The following ST7L variants were observed in gnomAD, a reference collection of about 807,000 sequenced individuals.
ST7L encodes suppressor of tumorigenicity 7 protein-like.
A neutral mutation model predicts 72.5 loss-of-function variants in ST7L; 57 were observed. The observed-to-expected ratio is 0.79, with a 90% CI of 0.64 to 0.98. ST7L has a LOEUF of 0.98. Ranked by LOEUF, ST7L falls within the 50% of genes least tolerant of loss-of-function variation. The pLI is 0.00. For synonymous variants in ST7L, 221 were observed against 240.9 expected, an observed-to-expected ratio of 0.92 and a Z score of 0.77; for missense variants, 576 against 672.2, an observed-to-expected ratio of 0.86 and a Z score of 1.58.
At chr1:112,568,132 G>A (rs1379714514) in intron 11 of ST7L, among the ~76,000 whole-genome samples, 2 of 152,042 alleles carry the variant, frequency 1.3e-5, no homozygotes, top group Non-Finnish European at 2.9e-5. Flanking sequence ...TGAGGCTTGT[G>A]CACGCATGTG....
rs116069794 is a variant in ST7L, at chr1:112,599,981, T to C, written c.506+813A>G. On this transcript the variant is annotated intron_variant, in intron 4 of 14. Coordinates refer to ENST00000358039, the MANE Select transcript of ST7L (RefSeq NM_017744.5). The stretch of plus-strand genomic sequence containing the variant: ...GTGATTTGGAAGGCCAAGGCAGGAG[T>C]ATTACTTGGGCCCAGAAGTTTGGGA... Among the ~76,000 whole-genome samples the C allele has an allele frequency of 2.7e-3, 413 of 152,112 alleles. 1 individual carries two copies. Among genetic ancestry groups the C allele is most frequent in the African/African-American group, 9.4e-3 (391 of 41,490 alleles).
At chr1:112,571,673 G>A (rs965882195) in intron 11 of ST7L, among the ~76,000 whole-genome samples, 8 of 152,126 alleles carry the variant, frequency 5.3e-5, no homozygotes, top group African/African-American at 1.7e-4. Flanking sequence ...TGATCCACCC[G>A]CTTCGGCCTC....
chr1:112,599,110 A>ATATATATG (rs1666993855), intron 4 of ST7L, among the ~76,000 whole-genome samples: 1 of 75,144 alleles, frequency 1.3e-5, no homozygotes, highest in Non-Finnish European at 2.5e-5. Context: ...ATATATATAT[A>ATATATATG]TGTGGATGTG....
chr1:112,574,658 C>CAA (rs202121446), intron 11 of ST7L, among the ~76,000 whole-genome samples: 68 of 122,742 alleles, frequency 5.5e-4, no homozygotes, highest in African/African-American at 1.9e-3. Flanking sequence ...GACTCCGTCT[C>CAA]AAAAAAAAAA....
Position 112,609,297 on chromosome 1 carries a change from C to T in ST7L, c.451+1544G>A, listed in dbSNP as rs554005011. On this transcript the variant is annotated intron_variant, in intron 3 of 14. Transcript: ENST00000358039. Reference sequence around the variant, plus strand: ...CTGTAATCCTAGCACTTTGGGAAGCCGAGGCAGACAGATCACCTGAGGTCG... The same window carrying T: ...CTGTAATCCTAGCACTTTGGGAAGCTGAGGCAGACAGATCACCTGAGGTCG... Among the ~76,000 whole-genome samples, 10 of 152,076 alleles carry T rather than the reference C, an allele frequency of 6.6e-5. 1 individual carries two copies. In the South Asian group the frequency reaches 1.7e-3, roughly 25 times the overall value.
At chr1:112,602,907 A>ACG (rs1202152152) in intron 3 of ST7L, among the ~76,000 whole-genome samples, 4 of 151,506 alleles carry the variant, frequency 2.6e-5, no homozygotes, top group Non-Finnish European at 4.4e-5. Flanking sequence ...TTTAGTAGAG[A>ACG]CGGGGTTTCG....
chr1:112,578,420 G>T lies in ST7L; in HGVS notation c.1070-3C>A. ...TGCTGACTTTGGAAGGCTTATATCT[G>T]TAACGATAATTTTCAATTTAGGTAG... On this transcript the variant is annotated splice_region_variant and splice_polypyrimidine_tract_variant and intron_variant, in intron 9 of 14. Transcript: ENST00000358039. 6.2e-7 allele frequency: 1 copy of T among 1,613,614 alleles called. No individual in the cohort carries two copies. Among genetic ancestry groups the T allele is most frequent in the South Asian group, 1.1e-5 (1 of 91,064 alleles).
In ST7L at chr1:112,582,377, C is replaced by T; in HGVS notation, c.952G>A (p.Asp318Asn). Reference protein sequence around the residue: ...RIREAVKIMRDLMKEFPPLTM... With the variant: ...RIREAVKIMRNLMKEFPPLTM... The stretch of plus-strand genomic sequence containing the variant: ...AGTCCCATCATCAATTTACTTACAT[C>T]TCTCATTATTTTTACTGCTTCTCTT... Residue 318 changes from aspartate to asparagine, a missense_variant and splice_region_variant, in exon 8 of 15, where the codon GAT (aspartate) becomes AAT (asparagine). By Grantham distance (23) the Asp-to-Asn change is conservative (BLOSUM62 1). Around this residue, in one of 3 missense-constraint regions of ST7L, gnomAD observed 511 missense variants for 600.7 expected, o/e 0.85. Coordinates refer to ENST00000358039, the MANE Select transcript of ST7L (RefSeq NM_017744.5). 1 of 1,597,550 alleles carries T rather than the reference C, an allele frequency of 6.3e-7. No individual in the cohort carries two copies. Among genetic ancestry groups the T allele is most frequent in the Non-Finnish European group, 8.6e-7 (1 of 1,167,760 alleles).
rs867052992 is a variant in ST7L, at chr1:112,568,281, T to G, written c.1245+8705A>C. Among the ~76,000 whole-genome samples the G allele has an allele frequency of 2.0e-5, 3 of 151,994 alleles. No homozygotes were observed. In the South Asian group the frequency reaches 6.2e-4, roughly 32 times the overall value. On this transcript the variant is annotated intron_variant, in intron 11 of 14. Coordinates refer to ENST00000358039, the MANE Select transcript of ST7L (RefSeq NM_017744.5). ...CATTTTCAAATGTGGATATTCACAA[T>G]GGTTCTGGATCACATTAATCAAGAG...
At chr1:112,549,640 A>G (rs927184475) in intron 13 of ST7L, among the ~76,000 whole-genome samples, 1 of 152,158 alleles carries the variant, frequency 6.6e-6, no homozygotes, top group African/African-American at 2.4e-5. Flanking sequence ...TTGATCTTAT[A>G]TTCTACAACC....
At chr1:112,554,677 TTTGTAGCAGC>T (rs1383798832) in intron 12 of ST7L, among the ~76,000 whole-genome samples, 1 of 152,164 alleles carries the variant, frequency 6.6e-6, no homozygotes, top group Non-Finnish European at 1.5e-5. Flanking sequence ...TACACCAATA[TTTGTAGCAGC>T]ATTATTCACA....
At chr1:112,537,817 A>G (rs1655462532) in intron 14 of ST7L, among the ~76,000 whole-genome samples, 1 of 152,226 alleles carries the variant, frequency 6.6e-6, no homozygotes, top group African/African-American at 2.4e-5. Context: ...GAGAAAAATC[A>G]GGGGAAAAAA....
chr1:112,574,172 C>A (rs1241595697), intron 11 of ST7L, among the ~76,000 whole-genome samples: 1 of 148,996 alleles, frequency 6.7e-6, no homozygotes, highest in Non-Finnish European at 1.5e-5. Context: ...CCACCTCGGC[C>A]TCCCAAAGTG....
Position 112,619,129 on chromosome 1 carries a change from G to A in ST7L, c.-16C>T. 2 of 1,612,102 alleles carry A rather than the reference G, an allele frequency of 1.2e-6. No homozygotes were observed. The highest frequency in any genetic ancestry group is 1.1e-5 in the South Asian group (1 of 90,850). Reference sequence around the variant, plus strand: ...GGTCCGCCATCTTGCCGCTATCGCAGGCGCCAGGAGCTGGGAGGGGAGAAG... The same window carrying A: ...GGTCCGCCATCTTGCCGCTATCGCAAGCGCCAGGAGCTGGGAGGGGAGAAG... On this transcript the variant is annotated 5_prime_UTR_variant, in exon 1 of 15. Transcript: ENST00000358039.
chr1:112,613,688 G>A lies in ST7L; in HGVS notation c.289-2685C>T, dbSNP rs145606965. Among the ~76,000 whole-genome samples the A allele has an allele frequency of 7.9e-3, 1,200 of 152,108 alleles. 2 individuals are homozygous for A. Among genetic ancestry groups the A allele is most frequent in the African/African-American group, 0.017 (701 of 41,458 alleles). On this transcript the variant is annotated intron_variant, in intron 2 of 14. Coordinates refer to ENST00000358039, the MANE Select transcript of ST7L (RefSeq NM_017744.5). ...CCTAATTTGTGTATATTTAAAATGC[G>A]GTTTTATAAAGAGTAACAAAAGGTT...
intron 11 of ST7L, among the ~76,000 whole-genome samples, chr1:112,566,319 A>G: frequency 1.1e-5 from 1 of 92,234 alleles, no homozygotes; most frequent in African/African-American, 4.5e-5. Flanking sequence ...TTTTTTTGAG[A>G]CAGAGTCTTG....
At chr1:112,540,405 A>G in intron 14 of ST7L, 2 of 985,490 alleles carry the variant, frequency 2.0e-6, no homozygotes, top group Non-Finnish European at 1.2e-6. Flanking sequence ...TCACTCAACT[A>G]TTAGCACTAC....
chr1:112,575,534 C>G (rs1662966597), intron 11 of ST7L, among the ~76,000 whole-genome samples: 1 of 152,172 alleles, frequency 6.6e-6, no homozygotes, highest in African/African-American at 2.4e-5. Context: ...GACAGTCGAT[C>G]TGATAACCGA....
At chr1:112,564,004 A>C (rs1660564393) in intron 11 of ST7L, among the ~76,000 whole-genome samples, 1 of 152,132 alleles carries the variant, frequency 6.6e-6, no homozygotes, top group South Asian at 2.1e-4. Flanking sequence ...TCATGCACAC[A>C]AAGAACCAAC....
Sources: gnomAD v4.1 joint callset for allele counts (sites outside exome capture counted in the v4.1 genomes callset) on GRCh38, gnomAD v4.1.1 for gene constraint, gnomAD v4.1.1 regional missense constraint, MANE v1.5 for transcripts, NCBI Gene and HGNC (gene_info 2026-07-23, HGNC 2026-07-21) for gene names.